The following SLC44A1 variants were observed in gnomAD, a reference collection of about 807,000 sequenced individuals.
The protein encoded by SLC44A1 is choline transporter-like protein 1.
A neutral mutation model predicts 79.3 loss-of-function variants in SLC44A1; 26 were observed. The ratio of observed to expected loss-of-function variants is 0.33; its 90% CI spans 0.24 to 0.46. The LOEUF is 0.46. Among genes scored for constraint, SLC44A1 ranks in the 20% least tolerant of loss-of-function variants. SLC44A1 has a pLI of 1.00. For missense variants in SLC44A1, 688 were observed against 798.1 expected, an observed-to-expected ratio of 0.86 and a Z score of 1.66; for synonymous variants, 263 against 286.2, an observed-to-expected ratio of 0.92 and a Z score of 0.82.
At chr9:105,252,907 T>C (rs1447226443) in intron 1 of SLC44A1, among the ~76,000 whole-genome samples, 3 of 152,252 alleles carry the variant, frequency 2.0e-5, no homozygotes, top group Non-Finnish European at 4.4e-5. Flanking sequence ...TAGTAATTTT[T>C]TTGGCAATTT....
intron 14 of SLC44A1, among the ~76,000 whole-genome samples, chr9:105,385,021 G>T (rs769500026): frequency 6.6e-6 from 1 of 152,324 alleles, no homozygotes; most frequent in South Asian, 2.1e-4. Flanking sequence ...TTATTTAAAA[G>T]TGGAGGCTTA....
intron 15 of SLC44A1, among the ~76,000 whole-genome samples, 164 bp from the exon 16 acceptor site, chr9:105,388,869 C>A (rs1353346313): frequency 6.6e-6 from 1 of 152,118 alleles, no homozygotes; most frequent in East Asian, 1.9e-4. Context: ...GTGTGACTTT[C>A]AACATTCATA....
intron 8 of SLC44A1, among the ~76,000 whole-genome samples, chr9:105,361,958 G>A (rs1827793390): frequency 6.6e-6 from 1 of 152,176 alleles, no homozygotes; most frequent in Admixed American, 6.5e-5. Context: ...GGCAGAGGTG[G>A]GAGGGTCACC....
intron 13 of SLC44A1, among the ~76,000 whole-genome samples, chr9:105,381,831 G>A (rs567507424): frequency 2.0e-5 from 3 of 152,284 alleles, no homozygotes; most frequent in Admixed American, 6.5e-5. Flanking sequence ...TTAACTCCGA[G>A]TTAAGATAAT....
intron 2 of SLC44A1, among the ~76,000 whole-genome samples, chr9:105,306,408 A>C (rs1422292113): frequency 1.3e-5 from 2 of 151,752 alleles, no homozygotes; most frequent in African/African-American, 2.4e-5. Context: ...CCACATTCGG[A>C]TTTTAGAATT....
chr9:105,268,935 A>G (rs1830021269), intron 1 of SLC44A1, among the ~76,000 whole-genome samples: 1 of 152,238 alleles, frequency 6.6e-6, no homozygotes, highest in South Asian at 2.1e-4. Context: ...CTTGCCGTTC[A>G]CCAAAAGCTC....
At chr9:105,388,882 A>G (rs1828694118) in intron 15 of SLC44A1, 151 bp from the exon 16 acceptor site, 1 of 657,192 alleles carries the variant, frequency 1.5e-6, no homozygotes, top group Non-Finnish European at 2.8e-6. Context: ...CATTCATAAG[A>G]ATTTCAGCTC....
At chr9:105,305,183 T>G (rs1195025646) in intron 2 of SLC44A1, among the ~76,000 whole-genome samples, 1 of 151,708 alleles carries the variant, frequency 6.6e-6, no homozygotes, top group Non-Finnish European at 1.5e-5. Flanking sequence ...TTGCCCAAGC[T>G]GGTCTCAAAC....
chr9:105,270,883 C>T lies in SLC44A1; in HGVS notation c.36+25979C>T, dbSNP rs928082735. 2.6e-5 allele frequency among the ~76,000 whole-genome samples: 4 copies of T among 152,292 alleles called. No homozygotes were observed. In the East Asian group the frequency reaches 7.7e-4, roughly 29 times the overall value. On this transcript the variant is annotated intron_variant, in intron 1 of 15. Transcript: ENST00000374720. ...TATCAACTTACATTGTTTCTTTCTA[C>T]CTCTCTATTTTTAGTTCAGAGCCCT...
At chr9:105,414,831 A>G (rs976113546) in intron 15 of SLC44A1, among the ~76,000 whole-genome samples, 3 of 152,192 alleles carry the variant, frequency 2.0e-5, no homozygotes, top group African/African-American at 7.2e-5. Flanking sequence ...AAAAAACCAT[A>G]GGAATAAGAT....
intron 1 of SLC44A1, among the ~76,000 whole-genome samples, chr9:105,292,202 A>G (rs1342009633): frequency 6.6e-6 from 1 of 152,226 alleles, no homozygotes. Context: ...TTAGCCTGTC[A>G]GAAATTCCAA....
At chr9:105,256,124 C>T (rs757148799) in intron 1 of SLC44A1, among the ~76,000 whole-genome samples, 4 of 151,992 alleles carry the variant, frequency 2.6e-5, no homozygotes, top group African/African-American at 4.8e-5. Context: ...GCAATCCTCC[C>T]ACCTCAGCCT....
intron 15 of SLC44A1, among the ~76,000 whole-genome samples, chr9:105,420,861 CAAAAAA>C (rs34053627): frequency 2.4e-4 from 3 of 12,484 alleles, no homozygotes; most frequent in South Asian, 2.9e-3. Context: ...AACTCCATCT[CAAAAAA>C]AAAAAAAAAA....
At chr9:105,374,887 A>T in intron 13 of SLC44A1, 152 bp downstream of exon 13, 1 of 614,262 alleles carries the variant, frequency 1.6e-6, no homozygotes, top group Non-Finnish European at 2.9e-6. Context: ...GCATTGTGAT[A>T]AGTACTTGAC....
intron 12 of SLC44A1, among the ~76,000 whole-genome samples, chr9:105,372,882 G>A (rs923693727): frequency 2.7e-5 from 4 of 149,170 alleles, no homozygotes; most frequent in South Asian, 2.2e-4. Flanking sequence ...CCCGGGAGGC[G>A]GAGCTTGCAG....
chr9:105,324,185 G>A (rs148688835), intron 3 of SLC44A1, among the ~76,000 whole-genome samples: 3,194 of 150,764 alleles, frequency 0.021, 116 homozygotes, highest in African/African-American at 0.073. Flanking sequence ...GTATGTGTTA[G>A]CCAGGATGGT....
At chr9:105,388,952 GTGTAT>G (rs1828696241) in intron 15 of SLC44A1, 76 bp from the exon 16 acceptor site, 2 of 1,034,556 alleles carry the variant, frequency 1.9e-6, no homozygotes, top group Admixed American at 3.4e-5. Flanking sequence ...TTGTGACCAT[GTGTAT>G]ATTTGTAACA....
At chr9:105,354,835 G>A (rs1185989026) in intron 5 of SLC44A1, among the ~76,000 whole-genome samples, 1 of 152,172 alleles carries the variant, frequency 6.6e-6, no homozygotes, top group Middle Eastern at 3.2e-3. Context: ...TTGAAAAGAA[G>A]CATTTTTCGA....
intron 15 of SLC44A1, among the ~76,000 whole-genome samples, chr9:105,437,632 A>T (rs1282421345): frequency 2.0e-5 from 3 of 152,184 alleles, no homozygotes; most frequent in African/African-American, 7.2e-5. Flanking sequence ...TAAAAGAATC[A>T]TGTTATACTT....
Sources: gnomAD v4.1 joint callset for allele counts (sites outside exome capture counted in the v4.1 genomes callset) on GRCh38, gnomAD v4.1.1 for gene constraint, MANE v1.5 for transcripts, NCBI Gene and HGNC (gene_info 2026-07-23, HGNC 2026-07-21) for gene names.